DLG2: variants seen among roughly 807,000 people sequenced by gnomAD.
The protein encoded by DLG2 is discs large MAGUK scaffold protein 2.
Under a neutral mutation model 132.5 loss-of-function variants are expected in DLG2, and 45 were observed. That is an observed-to-expected ratio of 0.34 (90% CI 0.27 to 0.44). The LOEUF is 0.44. Ranked by LOEUF, DLG2 falls within the 20% of genes least tolerant of loss-of-function variation. The probability of loss-of-function intolerance (pLI) is 1.00; values close to 1 mark genes in which losing one functional copy is unlikely to be tolerated. For missense variants in DLG2, 1,045 were observed against 1,196.9 expected, an observed-to-expected ratio of 0.87 and a Z score of 1.87; for synonymous variants, 424 against 419.6, an observed-to-expected ratio of 1.01 and a Z score of -0.13.
intron 10 of DLG2, among the ~76,000 whole-genome samples, chr11:84,070,183 C>T (rs906936526): frequency 2.6e-5 from 4 of 152,188 alleles, no homozygotes; most frequent in African/African-American, 9.7e-5. Context: ...GTGTCAGGTA[C>T]ACAGTTGTCA....
intron 19 of DLG2, among the ~76,000 whole-genome samples, chr11:83,563,553 G>A (rs1487548414): frequency 6.6e-6 from 1 of 152,158 alleles, no homozygotes; most frequent in Non-Finnish European, 1.5e-5. Flanking sequence ...ACTTAATGAT[G>A]GGACTGAAGA....
At chr11:84,692,368 T>C (rs1422272649) in intron 6 of DLG2, among the ~76,000 whole-genome samples, 1 of 151,776 alleles carries the variant, frequency 6.6e-6, no homozygotes, top group Non-Finnish European at 1.5e-5. Context: ...TCTGGCAACA[T>C]GTATCTGTCC....
At chr11:85,324,305 C>A in intron 3 of DLG2, among the ~76,000 whole-genome samples, 1 of 152,148 alleles carries the variant, frequency 6.6e-6, no homozygotes, top group Middle Eastern at 3.4e-3. Context: ...GACATCACAC[C>A]TTCTATCTAG....
At chr11:84,736,198 G>A (rs1000459307) in intron 6 of DLG2, among the ~76,000 whole-genome samples, 1 of 151,706 alleles carries the variant, frequency 6.6e-6, no homozygotes, top group African/African-American at 2.4e-5. Flanking sequence ...TATATGTATG[G>A]TTTAATTTTG....
At chr11:84,910,980 G>A (rs2154077343) in intron 6 of DLG2, among the ~76,000 whole-genome samples, 1 of 152,292 alleles carries the variant, frequency 6.6e-6, no homozygotes, top group South Asian at 2.1e-4. Flanking sequence ...GCAGGGTCTG[G>A]AAGGACAAGA....
chr11:85,303,376 A>G (rs1017586481), intron 3 of DLG2, among the ~76,000 whole-genome samples: 3 of 152,218 alleles, frequency 2.0e-5, no homozygotes, highest in African/African-American at 7.2e-5. Flanking sequence ...CATTTTGACC[A>G]TGAGAAATGA....
At chr11:83,988,726 T>A (rs2093512418) in intron 11 of DLG2, among the ~76,000 whole-genome samples, 1 of 152,148 alleles carries the variant, frequency 6.6e-6, no homozygotes. Flanking sequence ...TTCTGCTACA[T>A]GGAATATGCT....
At chr11:84,691,490 T>C (rs1273500542) in intron 6 of DLG2, among the ~76,000 whole-genome samples, 2 of 151,866 alleles carry the variant, frequency 1.3e-5, no homozygotes, top group African/African-American at 4.8e-5. Context: ...TTAAAGCATT[T>C]TATATACACT....
chr11:84,414,501 T>C (rs923534328), intron 7 of DLG2, among the ~76,000 whole-genome samples: 3 of 152,170 alleles, frequency 2.0e-5, no homozygotes, highest in African/African-American at 7.2e-5. Flanking sequence ...ATAATATACA[T>C]AGTAAATTCC....
chr11:84,839,996 C>T (rs371060146), intron 6 of DLG2, among the ~76,000 whole-genome samples: 6 of 152,046 alleles, frequency 3.9e-5, no homozygotes, highest in African/African-American at 1.4e-4. Context: ...AGATGAGATC[C>T]AATTAAACTA....
chr11:85,620,341 C>A (rs914776684), intron 2 of DLG2, among the ~76,000 whole-genome samples: 1 of 152,198 alleles, frequency 6.6e-6, no homozygotes, highest in African/African-American at 2.4e-5. Context: ...TTCCTGGAGA[C>A]ACAACAATAT....
chr11:83,972,212 T>C (rs1021052880), intron 12 of DLG2, among the ~76,000 whole-genome samples: 1 of 152,288 alleles, frequency 6.6e-6, no homozygotes, highest in East Asian at 1.9e-4. Flanking sequence ...GAGAATAATT[T>C]TGAACATAGA....
At chr11:84,736,303 C>T (rs919319299) in intron 6 of DLG2, among the ~76,000 whole-genome samples, 1 of 151,548 alleles carries the variant, frequency 6.6e-6, no homozygotes, top group African/African-American at 2.4e-5. Flanking sequence ...CAACTTTGTT[C>T]TTCTTTGATC....
chr11:84,668,695 T>C (rs2099702454), intron 6 of DLG2, among the ~76,000 whole-genome samples: 1 of 152,174 alleles, frequency 6.6e-6, no homozygotes, highest in South Asian at 2.1e-4. Flanking sequence ...AATAATATTT[T>C]ATCGCTGACT....
intron 4 of DLG2, among the ~76,000 whole-genome samples, chr11:85,159,285 G>A (rs187937971): frequency 1.8e-4 from 27 of 152,292 alleles, no homozygotes; most frequent in Admixed American, 1.2e-3. Context: ...TCATCCTGTG[G>A]TCATTTCTGC....
At position 85,412,725 on chromosome 11, in the gene DLG2, T is replaced by TCACACACACACA. The variant is rs542505541; in HGVS notation, c.41-127372_41-127361dup. 3.4e-3 allele frequency among the ~76,000 whole-genome samples: 309 copies of TCACACACACACA among 92,208 alleles called. 2 individuals carry two copies. The highest frequency in any genetic ancestry group is 6.0e-3 in the Middle Eastern group (1 of 166). The allele number at this position is 92,208 out of a possible 152,430, so 60.5% of individuals were successfully genotyped here. ...TTCCTTTTGATGGCTGAGCAGTATTTCACACACACACACACACACACACAC... is the reference window on the plus strand; with the variant it reads ...TTCCTTTTGATGGCTGAGCAGTATTTCACACACACACACACACACACACACACACACACACAC... On this transcript the variant is annotated intron_variant, in intron 3 of 27. Coordinates refer to ENST00000376104, the MANE Select transcript of DLG2 (RefSeq NM_001142699.3).
At chr11:85,318,110 TAGA>T (rs1422112499) in intron 3 of DLG2, among the ~76,000 whole-genome samples, 2 of 151,878 alleles carry the variant, frequency 1.3e-5, no homozygotes, top group Admixed American at 6.6e-5. Flanking sequence ...CAAAAAAAAG[TAGA>T]AGCAGTATTT....
Position 85,529,032 on chromosome 11 carries a change from A to G in DLG2, c.40+69625T>C, listed in dbSNP as rs114951989. Reference sequence around the variant, plus strand: ...ATGAAGTATAGCTGTATGCAACTACATTATTAATCTCACAAGCATAATGTC... The same window carrying G: ...ATGAAGTATAGCTGTATGCAACTACGTTATTAATCTCACAAGCATAATGTC... On this transcript the variant is annotated intron_variant, in intron 3 of 27. Transcript: ENST00000376104. 5.2e-3 allele frequency among the ~76,000 whole-genome samples: 795 copies of G among 152,368 alleles called. 8 individuals are homozygous for G. The highest frequency in any genetic ancestry group is 0.018 in the African/African-American group (738 of 41,582).
intron 3 of DLG2, among the ~76,000 whole-genome samples, chr11:85,483,816 C>T (rs976552618): frequency 8.0e-5 from 12 of 150,250 alleles, no homozygotes; most frequent in Non-Finnish European, 1.6e-4. Context: ...TGGTGGAGGG[C>T]ACCTGTAATC....
Sources: gnomAD v4.1 joint callset for allele counts (sites outside exome capture counted in the v4.1 genomes callset) on GRCh38, gnomAD v4.1.1 for gene constraint, MANE v1.5 for transcripts, NCBI Gene and HGNC (gene_info 2026-07-23, HGNC 2026-07-21) for gene names.